ZC3H13: variants seen among roughly 807,000 people sequenced by gnomAD.
The protein encoded by ZC3H13 is zinc finger CCCH-type containing 13.
A neutral mutation model predicts 204.1 loss-of-function variants in ZC3H13; 64 were observed. The ratio of observed to expected loss-of-function variants is 0.31; its 90% confidence interval spans 0.26 to 0.39. The LOEUF is 0.39. Ranked by LOEUF, ZC3H13 falls within the 10% of genes least tolerant of loss-of-function variation. The pLI is 1.00. For missense variants in ZC3H13, 1,833 were observed against 2,082.7 expected (o/e 0.88, Z 2.33); for synonymous variants, 667 against 693.7 (o/e 0.96, Z 0.60).
At chr13:45,999,237 A>C (rs1372012775) in intron 8 of ZC3H13, among the ~76,000 whole-genome samples, 2 of 152,156 alleles carry the variant, frequency 1.3e-5, no homozygotes, top group African/African-American at 4.8e-5. Context: ...AGCGAGACAC[A>C]GTGAGCTGAG....
chr13:46,006,435 C>A (rs995225849), intron 7 of ZC3H13, among the ~76,000 whole-genome samples: 5 of 151,940 alleles, frequency 3.3e-5, no homozygotes, highest in South Asian at 2.1e-4. Flanking sequence ...CTTCTAAATA[C>A]AATATCCTCA....
At chr13:45,982,222 C>A (rs1953704438) in intron 10 of ZC3H13, among the ~76,000 whole-genome samples, 1 of 151,586 alleles carries the variant, frequency 6.6e-6, no homozygotes, top group South Asian at 2.1e-4. Flanking sequence ...TTTTAATAAT[C>A]AAAATAGCTG....
rs1385808315 is a variant in ZC3H13 at position 46,011,954 on chromosome 13, G to C, written c.449-400C>G. On this transcript the variant is annotated intron_variant, in intron 5 of 18. Coordinates refer to ENST00000679008, the MANE Select transcript of ZC3H13 (RefSeq NM_001330564.2). ...ATCTCCTTGATTTTCCTAAAGATAC[G>C]CTACTAAAATACATCATACAAAGTG... is the stretch of plus-strand genomic sequence containing the variant. Among the ~76,000 whole-genome samples, 10 of 152,192 alleles carry C rather than the reference G, an allele frequency of 6.6e-5. No homozygotes were observed. The East Asian group carries it at 1.5e-3, about 23-fold the overall frequency.
rs1209010257 is a variant in ZC3H13, at chr13:45,969,880, T to A, written c.2664A>T (p.Arg888Ser). Reference protein sequence around the residue: ...PSHLTEDRQGRWKEEDRKPER... With the variant: ...PSHLTEDRQGSWKEEDRKPER... ...CTGGTTTACGATCCTCCTCTTTCCATCTACCCTGTCTGTCTTCTGTGAGGT... is the reference window on the plus strand; with the variant it reads ...CTGGTTTACGATCCTCCTCTTTCCAACTACCCTGTCTGTCTTCTGTGAGGT... The change falls in exon 14 of 19, where the codon AGA (arginine) becomes AGT (serine). Residue 888 changes from arginine (R) to serine (S), a missense_variant. Physicochemically the swap from Arg to Ser is moderately radical, Grantham distance 110. Transcript: ENST00000679008. The A allele has an allele frequency of 6.2e-7, 1 of 1,613,828 alleles. No individual in the cohort carries two copies. The highest frequency in any genetic ancestry group is 1.3e-5 in the African/African-American group (1 of 74,930).
intron 18 of ZC3H13, among the ~76,000 whole-genome samples, chr13:45,958,972 A>G (rs1049077794): frequency 6.6e-6 from 1 of 152,134 alleles, no homozygotes; most frequent in African/African-American, 2.4e-5. Context: ...CAGTTTCTTA[A>G]CTTTAAAGAG....
At chr13:46,001,067 C>A (rs543464156) in intron 8 of ZC3H13, 2 of 152,170 alleles carry the variant, frequency 1.3e-5, no homozygotes, top group Admixed American at 6.5e-5. Flanking sequence ...AATGGTAATG[C>A]GACAATTACT....
At chr13:46,000,363 C>A (rs1316420089) in intron 8 of ZC3H13, among the ~76,000 whole-genome samples, 1 of 152,226 alleles carries the variant, frequency 6.6e-6, no homozygotes, top group African/African-American at 2.4e-5. Flanking sequence ...GGATAACTTG[C>A]CGCTGCTTCT....
chr13:45,962,649 T>G, intron 17 of ZC3H13: 1 of 980,572 alleles, frequency 1.0e-6, no homozygotes, highest in Non-Finnish European at 1.2e-6. Flanking sequence ...ATAAAAAAAT[T>G]TACTGCTTAT....
chr13:45,976,320 A>C (rs1593503145), intron 11 of ZC3H13: 1 of 901,382 alleles, frequency 1.1e-6, no homozygotes, highest in Non-Finnish European at 1.3e-6. Flanking sequence ...TCAGGCCAAA[A>C]TATATACACA....
In ZC3H13 at chr13:46,046,690, C is replaced by A. The variant is rs564038037; in HGVS notation, c.-9-1174G>T. On this transcript the variant is annotated intron_variant, in intron 1 of 18. Transcript: ENST00000679008. The stretch of plus-strand genomic sequence containing the variant: ...CTCAAAAAAAACAAAAAAACTCTCT[C>A]TATATATATATATGTATGTAAATAA... Among the ~76,000 whole-genome samples, 391 of 150,822 alleles carry A rather than the reference C, an allele frequency of 2.6e-3. 2 individuals carry two copies. Among genetic ancestry groups the A allele is most frequent in the Non-Finnish European group, 4.1e-3 (276 of 67,596 alleles).
intron 10 of ZC3H13, among the ~76,000 whole-genome samples, chr13:45,985,062 AGAT>A (rs1954054324): frequency 6.6e-6 from 1 of 152,218 alleles, no homozygotes; most frequent in Non-Finnish European, 1.5e-5. Context: ...ACATTAATCA[AGAT>A]GATAGGCATG....
At chr13:45,962,027 TTC>T (rs935685370) in intron 17 of ZC3H13, 10 of 327,866 alleles carry the variant, frequency 3.1e-5, no homozygotes, top group Non-Finnish European at 4.4e-5. Context: ...TGATTATGTT[TTC>T]TTTCATGTTG....
chr13:46,052,319 A>AG (rs2044519825), intron 1 of ZC3H13, 85 bp downstream of exon 1: 1 of 381,766 alleles, frequency 2.6e-6, no homozygotes, highest in Non-Finnish European at 4.6e-6. Flanking sequence ...TCAAGCAAAG[A>AG]CGGGGGGGGG....
intron 8 of ZC3H13, among the ~76,000 whole-genome samples, chr13:45,997,884 C>T (rs2040453978): frequency 6.6e-6 from 1 of 152,080 alleles, no homozygotes; most frequent in South Asian, 2.1e-4. Flanking sequence ...ATTTTACAAA[C>T]ACACACATAC....
Position 45,955,137 on chromosome 13 carries a change from C to T in ZC3H13, c.*1990G>A, listed in dbSNP as rs1232221296. Reference sequence around the variant, plus strand: ...TGAGATAGATGACCTTTTAATTGTACTAGCAAACAATTTATAGACTGGAAG... The same window carrying T: ...TGAGATAGATGACCTTTTAATTGTATTAGCAAACAATTTATAGACTGGAAG... On this transcript the variant is annotated 3_prime_UTR_variant, in exon 19 of 19. Coordinates refer to ENST00000679008, the MANE Select transcript of ZC3H13 (RefSeq NM_001330564.2). 6.6e-6 allele frequency: 1 copy of T among 152,132 alleles called. No individual in the cohort carries two copies. 9.4% of individuals were successfully genotyped at this position (152,132 alleles called of 1,614,324 possible). A position where few individuals can be genotyped will look rare whatever the true frequency, so the allele number is the denominator to read the frequency against.
At chr13:45,986,829 T>C (rs970338998) in intron 9 of ZC3H13, among the ~76,000 whole-genome samples, 1 of 152,210 alleles carries the variant, frequency 6.6e-6, no homozygotes, top group Admixed American at 6.5e-5. Context: ...TCTTTGTCCC[T>C]AATGGCTAGG....
chr13:46,013,183 AGGAGGGCGG>A (rs2041683656), intron 5 of ZC3H13, among the ~76,000 whole-genome samples: 1 of 152,170 alleles, frequency 6.6e-6, no homozygotes, highest in Non-Finnish European at 1.5e-5. Flanking sequence ...TGGGAGGCCG[AGGAGGGCGG>A]ATCATCAGGT....
Position 45,962,846 on chromosome 13 carries a change from C to T in ZC3H13, c.4675+996G>A, listed in dbSNP as rs192132131. 138 of 985,188 alleles carry T rather than the reference C, an allele frequency of 1.4e-4. No homozygotes were observed. In the African/African-American group the frequency reaches 2.4e-3, roughly 17 times the overall value. The allele number at this position is 985,188 out of a possible 1,614,324, so 61.0% of individuals were successfully genotyped here. On this transcript the variant is annotated intron_variant, in intron 17 of 18. Transcript: ENST00000679008. ...CCTTCTTTTTACCATCTACTCGTCC[C>T]TCCCCATTAATAAAGTATTAGTAAG...
chr13:45,962,719 TTTGTATTAGTG>T (rs1457209645), intron 17 of ZC3H13: 2 of 982,814 alleles, frequency 2.0e-6, no homozygotes, highest in East Asian at 2.3e-4. Flanking sequence ...ATTTTTTTAT[TTTGTATTAGTG>T]AAAAATTTAA....
Sources: allele counts gnomAD v4.1 joint callset (sites outside exome capture counted in the v4.1 genomes callset), GRCh38; gene constraint gnomAD v4.1.1; transcripts MANE v1.5; gene names NCBI Gene and HGNC (gene_info 2026-07-23, HGNC 2026-07-21).